Variants in DAPK2 observed in about 807,000 individuals in gnomAD.
The protein encoded by DAPK2 is death associated protein kinase 2, also known as death-associated protein kinase 2.
In DAPK2, 35 loss-of-function variants were observed where a neutral mutation model predicts 44.1. That is an observed-to-expected ratio of 0.79 (90% CI 0.61 to 1.05). DAPK2 has a LOEUF of 1.05. Ranked by LOEUF, DAPK2 falls within the 50% of genes least tolerant of loss-of-function variation. DAPK2 has a pLI of 0.00. For synonymous variants in DAPK2, 174 were observed against 182.6 expected (o/e 0.95, Z 0.38); for missense variants, 453 against 483.2 (o/e 0.94, Z 0.59).
At chr15:63,935,294 T>C (rs1174553674) in intron 4 of DAPK2, among the ~76,000 whole-genome samples, 3 of 152,058 alleles carry the variant, frequency 2.0e-5, no homozygotes, top group African/African-American at 4.8e-5. Context: ...TTTCACCATG[T>C]TGGTCAGGCT....
intron 1 of DAPK2, among the ~76,000 whole-genome samples, chr15:64,006,028 T>G (rs1339390233): frequency 8.0e-6 from 1 of 125,290 alleles, no homozygotes; most frequent in Non-Finnish European, 1.6e-5. Context: ...CAGAGCCAGA[T>G]CCTGACTCAA....
Position 64,002,973 on chromosome 15 carries a change from C to CGTGTGT in DAPK2, c.93-19220_93-19219insACACAC, listed in dbSNP as rs1567266632. 1.0e-3 allele frequency among the ~76,000 whole-genome samples: 77 copies of CGTGTGT among 75,510 alleles called. 1 individual carries two copies. The highest frequency in any genetic ancestry group is 6.0e-3 in the Middle Eastern group (1 of 168). 49.5% of individuals were successfully genotyped at this position (75,510 alleles called of 152,430 possible). A position where few individuals can be genotyped will look rare whatever the true frequency, so the allele number is the denominator to read the frequency against. On this transcript the variant is annotated intron_variant, in intron 1 of 10. Coordinates refer to ENST00000261891, the Ensembl canonical transcript of DAPK2. Reference sequence around the variant, plus strand: ...GTGTGTGTGTGTGTGTGTCGTGGGACCTGTGTGTGTGTGTGTGTGTGTGTG... The same window carrying CGTGTGT: ...GTGTGTGTGTGTGTGTGTCGTGGGACGTGTGTCTGTGTGTGTGTGTGTGTGTGTGTG...
At chr15:64,026,519 C>CA (rs2079851667) in intron 1 of DAPK2, among the ~76,000 whole-genome samples, 1 of 152,168 alleles carries the variant, frequency 6.6e-6, no homozygotes, top group African/African-American at 2.4e-5. Context: ...GCTGGGATTA[C>CA]AGGAGTGAGC....
Position 63,986,374 on chromosome 15 carries a change from A to G in DAPK2, c.93-2620T>C, listed in dbSNP as rs144339438. Among the ~76,000 whole-genome samples the G allele has an allele frequency of 4.7e-4, 72 of 152,348 alleles. 1 individual carries two copies. The East Asian group carries it at 0.013, about 26-fold the overall frequency. ...AAGGCTGAGCAAGAGACATCCAGAG[A>G]CATAAGTCACTGATTCAAATGGTCT... On this transcript the variant is annotated intron_variant, in intron 1 of 10. Transcript: ENST00000261891.
chr15:63,969,485 T>C (rs142299940), intron 3 of DAPK2, among the ~76,000 whole-genome samples: 4,033 of 150,334 alleles, frequency 0.027, 103 homozygotes, highest in South Asian at 0.13. Context: ...ATGCCTGTAA[T>C]CCCAACACTT....
Position 64,027,109 on chromosome 15 carries a change from G to A in DAPK2, c.92+13061C>T, listed in dbSNP as rs570595845. 2.2e-4 allele frequency among the ~76,000 whole-genome samples: 34 copies of A among 152,062 alleles called. No homozygotes were observed. In the South Asian group the frequency reaches 3.3e-3, roughly 15 times the overall value. The stretch of plus-strand genomic sequence containing the variant: ...AAATATAAAACATGAGGCCAGGTGC[G>A]GTGTGGCTCATGCCTATAATCCCAG... On this transcript the variant is annotated intron_variant, in intron 1 of 10. Transcript: ENST00000261891.
intron 1 of DAPK2, among the ~76,000 whole-genome samples, chr15:64,033,966 TGA>T: frequency 1.3e-5 from 2 of 151,578 alleles, no homozygotes; most frequent in Middle Eastern, 6.8e-3. Flanking sequence ...CTGTGGGGTG[TGA>T]GACTCAGCGA....
At chr15:64,002,074 TA>T (rs1175390326) in intron 1 of DAPK2, among the ~76,000 whole-genome samples, 2 of 152,256 alleles carry the variant, frequency 1.3e-5, no homozygotes, top group Admixed American at 1.3e-4. Flanking sequence ...CCTCTCATTT[TA>T]CACTCTCAAA....
intron 8 of DAPK2, chr15:63,922,798 T>C: frequency 6.5e-7 from 1 of 1,535,760 alleles, no homozygotes; most frequent in South Asian, 1.2e-5. Context: ...CTGACAGGGA[T>C]TCACTGGTGT....
chr15:63,943,596 G>C (rs2077372414), intron 3 of DAPK2, among the ~76,000 whole-genome samples: 1 of 152,116 alleles, frequency 6.6e-6, no homozygotes. Flanking sequence ...CAGGAGGCCG[G>C]GCGCAGTGGC....
rs780491062 is a variant in DAPK2 at position 64,020,114 on chromosome 15, G to C, written c.92+20056C>G. The stretch of plus-strand genomic sequence containing the variant: ...GATTCCTGCCCCAGCTGAGTAGACA[G>C]CCCATGGCCCAGTAAGAACACTTCA... On this transcript the variant is annotated intron_variant, in intron 1 of 10. Transcript: ENST00000261891. The surrounding 1 kb of genome is among the most constrained non-coding windows in gnomAD (Gnocchi z 4.5). 6.6e-6 allele frequency among the ~76,000 whole-genome samples: 1 copy of C among 152,176 alleles called. No homozygotes were observed. The highest frequency in any genetic ancestry group is 1.5e-5 in the Non-Finnish European group (1 of 68,032).
chr15:63,974,200 C>A (rs1015861758), intron 2 of DAPK2, among the ~76,000 whole-genome samples: 1 of 152,174 alleles, frequency 6.6e-6, no homozygotes, highest in Non-Finnish European at 1.5e-5. Flanking sequence ...AATCTGGCAA[C>A]CCTACTTGGG....
At chr15:63,911,778 A>C in intron 10 of DAPK2, 130 bp downstream of exon 11, 2 of 886,738 alleles carry the variant, frequency 2.3e-6, no homozygotes, top group Non-Finnish European at 3.6e-6. Flanking sequence ...GAAGAGGAGG[A>C]CTGGGCCAGC....
At chr15:63,994,220 C>T (rs907202714) in intron 1 of DAPK2, among the ~76,000 whole-genome samples, 12 of 152,086 alleles carry the variant, frequency 7.9e-5, no homozygotes, top group Non-Finnish European at 1.3e-4. Context: ...CCTCAGCACC[C>T]GGCACAAAAC....
chr15:63,960,364 G>A (rs965795096), intron 3 of DAPK2, among the ~76,000 whole-genome samples: 2 of 152,110 alleles, frequency 1.3e-5, no homozygotes, highest in Non-Finnish European at 2.9e-5. Context: ...GTTCTGCTCT[G>A]ATCTTAGTTA....
upstream of DAPK2, among the ~76,000 whole-genome samples, chr15:64,044,436 C>T (rs1159026904): frequency 2.6e-5 from 4 of 152,172 alleles, no homozygotes; most frequent in African/African-American, 9.7e-5. Context: ...TATATGTTGG[C>T]GTTCTGGGTA....
intron 3 of DAPK2, among the ~76,000 whole-genome samples, chr15:63,969,043 G>A (rs1287591521): frequency 2.0e-5 from 3 of 152,142 alleles, no homozygotes; most frequent in Admixed American, 2.0e-4. Flanking sequence ...GCCTGCCCAG[G>A]CCTCACCATC....
At chr15:63,962,372 AGCTTTGTTCCATT>A (rs770533557) in intron 3 of DAPK2, among the ~76,000 whole-genome samples, 2 of 152,236 alleles carry the variant, frequency 1.3e-5, no homozygotes, top group Non-Finnish European at 2.9e-5. Context: ...TTCTCCGTCC[AGCTTTGTTCCATT>A]GCTGGCGAGG....
chr15:63,923,175 C>T lies in DAPK2; in HGVS notation c.858+1641G>A, dbSNP rs1169175910. On this transcript the variant is annotated intron_variant, in intron 8 of 10. Transcript: ENST00000261891. This position sits in a 1 kb window ranked among gnomAD's most constrained non-coding sequence, Gnocchi z 4.2. Reference sequence around the variant, plus strand: ...TCCACCAGGGCACGGCATCCCAGGTCGACCCGAGCCACGTCTTCCACCACA... The same window carrying T: ...TCCACCAGGGCACGGCATCCCAGGTTGACCCGAGCCACGTCTTCCACCACA... 12 of 1,535,848 alleles carry T rather than the reference C, an allele frequency of 7.8e-6. No individual in the cohort carries two copies. Among genetic ancestry groups the T allele is most frequent in the African/African-American group, 1.4e-5 (1 of 73,134 alleles).
Sources: allele counts gnomAD v4.1 joint callset (sites outside exome capture counted in the v4.1 genomes callset), GRCh38; gene constraint gnomAD v4.1.1; non-coding constraint Gnocchi (gnomAD v3.1); transcripts MANE v1.5; gene names NCBI Gene and HGNC (gene_info 2026-07-23, HGNC 2026-07-21).